NEK11: variants seen among roughly 807,000 people sequenced by gnomAD.
NEK11 encodes NIMA related kinase 11, also known as serine/threonine-protein kinase Nek11.
Under a neutral mutation model 80.7 loss-of-function variants are expected in NEK11, and 72 were observed. The observed-to-expected ratio is 0.89, with a 90% CI of 0.74 to 1.08. The LOEUF (loss-of-function observed/expected upper bound fraction) is 1.08. Among genes scored for constraint, NEK11 ranks in the 50% least tolerant of loss-of-function variants. The pLI is 0.00. For synonymous variants in NEK11, 251 were observed against 260.7 expected (o/e 0.96, Z 0.36); for missense variants, 764 against 763.6 (o/e 1.00, Z -0.01).
chr3:131,031,634 C>T lies in NEK11; in HGVS notation c.170+1756C>T, dbSNP rs562191879. Among the ~76,000 whole-genome samples the T allele has an allele frequency of 8.6e-5, 13 of 151,616 alleles. No homozygotes were observed. In the East Asian group the frequency reaches 9.7e-4, roughly 11 times the overall value. ...GTGGAGAGAGTGTGTTTGTAGTCAGCGGGGAAGAGAGAGAGAAAGAGAATG... is the reference window on the plus strand; with the variant it reads ...GTGGAGAGAGTGTGTTTGTAGTCAGTGGGGAAGAGAGAGAGAAAGAGAATG... On this transcript the variant is annotated intron_variant, in intron 3 of 17. Coordinates refer to ENST00000383366, the MANE Select transcript of NEK11 (RefSeq NM_024800.5).
At chr3:131,161,054 G>A (rs2091487671) in intron 10 of NEK11, among the ~76,000 whole-genome samples, 1 of 151,280 alleles carries the variant, frequency 6.6e-6, no homozygotes, top group Non-Finnish European at 1.5e-5. Context: ...GTGGTAGCGT[G>A]TGCCTGTAGT....
At chr3:131,287,384 C>T (rs1194959299) in intron 17 of NEK11, among the ~76,000 whole-genome samples, 1 of 152,178 alleles carries the variant, frequency 6.6e-6, no homozygotes, top group Non-Finnish European at 1.5e-5. Context: ...AGCAATCCTC[C>T]CACCTCAGCC....
At chr3:131,331,509 T>G (rs1321427480) in intron 17 of NEK11, among the ~76,000 whole-genome samples, 2 of 152,160 alleles carry the variant, frequency 1.3e-5, no homozygotes, top group East Asian at 1.9e-4. Context: ...ACAGCTCTGG[T>G]CTACACCTCC....
intron 3 of NEK11, among the ~76,000 whole-genome samples, chr3:131,059,158 A>G (rs377047179): frequency 3.3e-5 from 5 of 152,298 alleles, no homozygotes; most frequent in African/African-American, 1.2e-4. Flanking sequence ...TTCCCCTGAA[A>G]ATATGTTTTA....
intron 17 of NEK11, among the ~76,000 whole-genome samples, chr3:131,309,830 A>C (rs894354630): frequency 2.0e-5 from 3 of 151,796 alleles, no homozygotes; most frequent in Non-Finnish European, 4.4e-5. Flanking sequence ...CTAAAAATTA[A>C]AAAGACAAAT....
intron 16 of NEK11, among the ~76,000 whole-genome samples, chr3:131,260,687 G>T (rs748759776): frequency 6.6e-6 from 1 of 152,044 alleles, no homozygotes; most frequent in African/African-American, 2.4e-5. Flanking sequence ...CTGTCATGTC[G>T]CATTCCAAGG....
intron 17 of NEK11, among the ~76,000 whole-genome samples, chr3:131,326,650 G>A (rs2096971351): frequency 6.6e-6 from 1 of 152,096 alleles, no homozygotes. Context: ...CTAAACCCAA[G>A]GCAAGAGGGG....
At chr3:131,089,209 G>T (rs534313446) in intron 4 of NEK11, among the ~76,000 whole-genome samples, 1 of 152,284 alleles carries the variant, frequency 6.6e-6, no homozygotes, top group South Asian at 2.1e-4. Context: ...AGTCACGAAG[G>T]ATGCTTGTTG....
chr3:131,102,516 TG>T (rs1345322441), intron 4 of NEK11, among the ~76,000 whole-genome samples: 1 of 152,350 alleles, frequency 6.6e-6, no homozygotes, highest in African/African-American at 2.4e-5. Flanking sequence ...CAATCTCTTC[TG>T]GCTTGTAAGG....
At chr3:131,213,837 A>G (rs1467565264) in intron 14 of NEK11, among the ~76,000 whole-genome samples, 3 of 152,160 alleles carry the variant, frequency 2.0e-5, no homozygotes, top group Admixed American at 1.3e-4. Context: ...GTCCCCCCAG[A>G]TTCATCATAT....
chr3:131,029,588 G>A, intron 2 of NEK11, 25 bp from the exon 3 acceptor site: 2 of 969,068 alleles, frequency 2.1e-6, no homozygotes, highest in South Asian at 1.7e-5. Context: ...CTTTAGACCT[G>A]ATCTTTTAAC....
intron 4 of NEK11, among the ~76,000 whole-genome samples, chr3:131,091,897 C>T (rs963424351): frequency 2.0e-5 from 3 of 152,178 alleles, no homozygotes; most frequent in Non-Finnish European, 2.9e-5. Flanking sequence ...AGGATGGACA[C>T]AAAAGCAAAC....
intron 17 of NEK11, chr3:131,330,558 T>C (rs1410320103): frequency 2.0e-5 from 3 of 152,140 alleles, no homozygotes; most frequent in Non-Finnish European, 4.4e-5. Flanking sequence ...GGGGAAAATA[T>C]TGGAGGACCT....
intron 3 of NEK11, among the ~76,000 whole-genome samples, chr3:131,033,462 TAAGG>T (rs1406766071): frequency 6.6e-6 from 1 of 152,136 alleles, no homozygotes; most frequent in Non-Finnish European, 1.5e-5. Flanking sequence ...TTTGAGCTCA[TAAGG>T]AAGGTATCAG....
At chr3:131,091,430 A>C (rs1418135127) in intron 4 of NEK11, among the ~76,000 whole-genome samples, 1 of 152,152 alleles carries the variant, frequency 6.6e-6, no homozygotes, top group African/African-American at 2.4e-5. Context: ...ACAGACATAA[A>C]ACTTTTACCC....
chr3:131,283,813 G>C, intron 17 of NEK11, among the ~76,000 whole-genome samples: 1 of 152,090 alleles, frequency 6.6e-6, no homozygotes, highest in African/African-American at 2.4e-5. Flanking sequence ...AACAACAAAA[G>C]TTTGTACGTA....
intron 17 of NEK11, among the ~76,000 whole-genome samples, chr3:131,312,340 T>C (rs2109441952): frequency 6.6e-6 from 1 of 152,348 alleles, no homozygotes; most frequent in South Asian, 2.1e-4. Context: ...GTGATTAGCA[T>C]AATGGACTCA....
At chr3:131,064,218 T>G (rs2071452348) in intron 3 of NEK11, among the ~76,000 whole-genome samples, 1 of 148,194 alleles carries the variant, frequency 6.7e-6, no homozygotes, top group African/African-American at 2.6e-5. Context: ...TTGGGGACTG[T>G]GTTAGTTTTC....
At chr3:131,118,968 T>C (rs1417404445) in intron 5 of NEK11, among the ~76,000 whole-genome samples, 1 of 152,110 alleles carries the variant, frequency 6.6e-6, no homozygotes, top group Non-Finnish European at 1.5e-5. Context: ...GTCTCTATCT[T>C]CTTCAGTTCT....
Sources: allele counts gnomAD v4.1 joint callset (sites outside exome capture counted in the v4.1 genomes callset), GRCh38; gene constraint gnomAD v4.1.1; transcripts MANE v1.5; gene names NCBI Gene and HGNC (gene_info 2026-07-23, HGNC 2026-07-21).